Variants in ZFHX3 observed in about 807,000 individuals in gnomAD.
The protein encoded by ZFHX3 is zinc finger homeobox 3.
A neutral mutation model predicts 279.1 loss-of-function variants in ZFHX3; 42 were observed. That is an observed-to-expected ratio of 0.15 (90% CI 0.12 to 0.19). The LOEUF is 0.19. Among genes scored for constraint, ZFHX3 ranks in the 10% least tolerant of loss-of-function variants. ZFHX3 has a pLI of 1.00. For missense variants in ZFHX3, 4,981 were observed against 4,754.0 expected (o/e 1.05, Z -1.40); for synonymous variants, 2,293 against 1,957.8 (o/e 1.17, Z -4.52).
intron 2 of ZFHX3, among the ~76,000 whole-genome samples, chr16:73,561,731 T>A (rs1480925368): frequency 6.6e-6 from 1 of 152,206 alleles, no homozygotes; most frequent in Non-Finnish European, 1.5e-5. Context: ...AAAATCCAGC[T>A]ACCTAAAATA....
At chr16:73,664,014 T>C (rs1167011893) in intron 2 of ZFHX3, among the ~76,000 whole-genome samples, 1 of 152,212 alleles carries the variant, frequency 6.6e-6, no homozygotes, top group Non-Finnish European at 1.5e-5. Context: ...CTTCAGACTT[T>C]TCTCTAGATA....
At chr16:73,464,760 C>T (rs908074116) in intron 2 of ZFHX3, among the ~76,000 whole-genome samples, 4 of 152,236 alleles carry the variant, frequency 2.6e-5, no homozygotes, top group African/African-American at 7.2e-5. Context: ...GGCTCGGTCA[C>T]GCCAAGGGGC....
intron 3 of ZFHX3, among the ~76,000 whole-genome samples, chr16:72,933,133 C>T (rs1597389911): frequency 2.0e-5 from 3 of 152,316 alleles, no homozygotes; most frequent in East Asian, 3.9e-4. Context: ...ATCTCGTGGG[C>T]ATCCAGACAC....
intron 2 of ZFHX3, among the ~76,000 whole-genome samples, chr16:73,505,467 G>A (rs1196033486): frequency 1.3e-5 from 2 of 151,892 alleles, no homozygotes; most frequent in African/African-American, 2.4e-5. Context: ...AAGTAAAGGG[G>A]CAATTCGTCT....
chr16:72,863,990 G>A (rs1291190447), intron 4 of ZFHX3, among the ~76,000 whole-genome samples: 2 of 152,094 alleles, frequency 1.3e-5, no homozygotes, highest in Non-Finnish European at 2.9e-5. Flanking sequence ...GGTGGTGGGT[G>A]CCTGTAGTCC....
Position 72,909,210 on chromosome 16 carries a change from C to T in ZFHX3, c.3217-19248G>A, listed in dbSNP as rs146371183. 5.3e-5 allele frequency among the ~76,000 whole-genome samples: 8 copies of T among 152,204 alleles called. No individual in the cohort carries two copies. The East Asian group carries it at 9.6e-4, about 18-fold the overall frequency. ...TAAGAATACAGCCTCTTAGAAGGCA[C>T]GTTTCTAAAATGTAGGCAAGGGGTC... On this transcript the variant is annotated intron_variant, in intron 3 of 9. Transcript: ENST00000268489.
intron 2 of ZFHX3, among the ~76,000 whole-genome samples, chr16:73,480,006 C>A (rs1304905108): frequency 6.6e-6 from 1 of 152,148 alleles, no homozygotes; most frequent in African/African-American, 2.4e-5. Flanking sequence ...GTCGTGGGGA[C>A]CTGATGCCGG....
intron 2 of ZFHX3, among the ~76,000 whole-genome samples, chr16:73,552,374 T>C (rs186604515): frequency 1.7e-4 from 26 of 152,320 alleles, no homozygotes; most frequent in Admixed American, 1.2e-3. Flanking sequence ...CCATTAGTAA[T>C]TGGAAAAATT....
At chr16:73,515,083 AGAATGT>A (rs2143695494) in intron 2 of ZFHX3, among the ~76,000 whole-genome samples, 1 of 152,330 alleles carries the variant, frequency 6.6e-6, no homozygotes, top group African/African-American at 2.4e-5. Flanking sequence ...GCTCCTTCCC[AGAATGT>A]TTAGAGTCTT....
intron 4 of ZFHX3, among the ~76,000 whole-genome samples, chr16:72,835,184 C>G (rs1011401886): frequency 6.6e-6 from 1 of 152,132 alleles, no homozygotes; most frequent in Non-Finnish European, 1.5e-5. Flanking sequence ...AAATAAAGTG[C>G]GTTTGCCTGT....
intron 1 of ZFHX3, among the ~76,000 whole-genome samples, chr16:73,797,787 T>A (rs541583545): frequency 2.0e-5 from 3 of 150,056 alleles, no homozygotes; most frequent in Non-Finnish European, 4.4e-5. Flanking sequence ...TGCTTATGTA[T>A]AGGACAAGCC....
At chr16:73,258,280 GC>G (rs1400051058) in intron 4 of ZFHX3, among the ~76,000 whole-genome samples, 1 of 151,746 alleles carries the variant, frequency 6.6e-6, no homozygotes, top group African/African-American at 2.4e-5. Flanking sequence ...AAAGATTTGA[GC>G]CCAGAATTAT....
At chr16:73,206,632 T>A (rs2011813680) in intron 5 of ZFHX3, among the ~76,000 whole-genome samples, 1 of 152,176 alleles carries the variant, frequency 6.6e-6, no homozygotes, top group South Asian at 2.1e-4. Flanking sequence ...TCCAATTAAA[T>A]ACATTTACAA....
rs1327405266 is a variant in ZFHX3, at chr16:72,958,633, C to T, written c.1513G>A (p.Asp505Asn). The T allele has an allele frequency of 6.2e-7, 1 of 1,613,948 alleles. No individual in the cohort carries two copies. Among genetic ancestry groups the T allele is most frequent in the Non-Finnish European group, 8.5e-7 (1 of 1,180,020 alleles). Reference sequence around the variant, plus strand: ...GCCCCAGGCTCCTCATGGGGCCTGTCCTCCAGTTCCTCATCCAACTCGCTT... The same window carrying T: ...GCCCCAGGCTCCTCATGGGGCCTGTTCTCCAGTTCCTCATCCAACTCGCTT... Reference protein sequence around the residue: ...FPSELDEELEDRPHEEPGAAA... With the variant: ...FPSELDEELENRPHEEPGAAA... Residue 505 changes from aspartate (D) to asparagine (N), a missense_variant, in exon 2 of 10, where the codon GAC (aspartate) becomes AAC (asparagine). Around this residue, in one of 7 missense-constraint regions of ZFHX3, gnomAD observed 1,068 missense variants for 935.2 expected, o/e 1.14. Transcript: ENST00000268489.
chr16:73,634,135 C>T (rs984374690), intron 2 of ZFHX3, among the ~76,000 whole-genome samples: 3 of 151,862 alleles, frequency 2.0e-5, no homozygotes. Flanking sequence ...CATACATATA[C>T]ATACATAATT....
At chr16:72,963,817 G>A (rs1188898346) in intron 1 of ZFHX3, among the ~76,000 whole-genome samples, 1 of 152,158 alleles carries the variant, frequency 6.6e-6, no homozygotes, top group African/African-American at 2.4e-5. Context: ...AGGGGAGGGG[G>A]CTCCTGCTGT....
At position 72,983,374 on chromosome 16, in the gene ZFHX3, C is replaced by T. The variant is rs77112310; in HGVS notation, c.-49-23180G>A. Among the ~76,000 whole-genome samples, 1,420 of 152,336 alleles carry T rather than the reference C, an allele frequency of 9.3e-3. 10 individuals carry two copies. The highest frequency in any genetic ancestry group is 0.014 in the Non-Finnish European group (983 of 68,030). ...CAAAACAATGACCAGGATCCCCGAACATCCCAGCTGGAATGAGGGCAACCC... is the reference window on the plus strand; with the variant it reads ...CAAAACAATGACCAGGATCCCCGAATATCCCAGCTGGAATGAGGGCAACCC... On this transcript the variant is annotated intron_variant, in intron 1 of 9. Coordinates refer to ENST00000268489, the MANE Select transcript of ZFHX3 (RefSeq NM_006885.4).
chr16:73,803,767 A>C (rs1960200027), intron 1 of ZFHX3, among the ~76,000 whole-genome samples: 1 of 152,230 alleles, frequency 6.6e-6, no homozygotes, highest in South Asian at 2.1e-4. Context: ...TTTCAGAGTA[A>C]TATGTGTAAT....
chr16:73,489,769 C>G (rs1434687241), intron 2 of ZFHX3, among the ~76,000 whole-genome samples: 1 of 152,014 alleles, frequency 6.6e-6, no homozygotes, highest in Non-Finnish European at 1.5e-5. Context: ...AATTCTGACT[C>G]AGAATGCTTA....
Sources: allele counts gnomAD v4.1 joint callset (sites outside exome capture counted in the v4.1 genomes callset), GRCh38; gene constraint gnomAD v4.1.1; regional missense constraint gnomAD v4.1.1; transcripts MANE v1.5; gene names NCBI Gene and HGNC (gene_info 2026-07-23, HGNC 2026-07-21).